The following UBE2T variants were observed in gnomAD, a reference collection of about 807,000 sequenced individuals.
The protein encoded by UBE2T is ubiquitin-conjugating enzyme E2 T.
UBE2T carries 15 observed loss-of-function variants against 23.3 expected under a neutral mutation model. That is an observed-to-expected ratio of 0.64 (90% CI 0.43 to 0.99). UBE2T has a LOEUF of 0.99. Ranked by LOEUF, UBE2T falls within the 50% of genes least tolerant of loss-of-function variation. UBE2T has a pLI of 0.00. For synonymous variants in UBE2T, 67 were observed against 78.4 expected (o/e 0.85, Z 0.77); for missense variants, 197 against 234.9 (o/e 0.84, Z 1.05).
chr1:202,332,980 A>C (rs1252385138), intron 6 of UBE2T, 30 bp downstream of exon 6: 8 of 1,461,000 alleles, frequency 5.5e-6, no homozygotes, highest in Non-Finnish European at 7.6e-6. Flanking sequence ...TATATACTTA[A>C]TTAACTGACA....
At chr1:202,337,547 A>G (rs1323464212) in intron 1 of UBE2T, among the ~76,000 whole-genome samples, 2 of 152,146 alleles carry the variant, frequency 1.3e-5, no homozygotes, top group African/African-American at 4.8e-5. Flanking sequence ...TGAATAGTCA[A>G]TTGTTCTAAC....
intron 1 of UBE2T, among the ~76,000 whole-genome samples, chr1:202,341,127 T>C (rs1488160988): frequency 6.6e-6 from 1 of 152,192 alleles, no homozygotes; most frequent in Non-Finnish European, 1.5e-5. Context: ...CCTCTGTGCG[T>C]CTACATCTAT....
Position 202,331,710 on chromosome 1 carries a change from T to A in UBE2T, c.*125A>T. On this transcript the variant is annotated 3_prime_UTR_variant, in exon 7 of 7. Coordinates refer to ENST00000646651, the MANE Select transcript of UBE2T (RefSeq NM_014176.4). ...GGTTTAAAAGATTTCAAAATACATA[T>A]GTACAAGATAAATAAACTACACAAA... 8.5e-7 allele frequency: 1 copy of A among 1,169,598 alleles called. No individual in the cohort carries two copies. The highest frequency in any genetic ancestry group is 1.5e-5 in the South Asian group (1 of 65,236). The allele number at this position is 1,169,598 out of a possible 1,614,324, so 72.5% of individuals were successfully genotyped here.
At chr1:202,338,277 T>C (rs1322780700) in intron 1 of UBE2T, among the ~76,000 whole-genome samples, 1 of 148,306 alleles carries the variant, frequency 6.7e-6, no homozygotes, top group Non-Finnish European at 1.5e-5. Flanking sequence ...TGGAGTGCAA[T>C]GGTGTGCTCT....
chr1:202,333,698 TA>T, intron 3 of UBE2T, 143 bp from the exon 4 acceptor site: 1 of 685,182 alleles, frequency 1.5e-6, no homozygotes, highest in South Asian at 2.1e-5. Context: ...TCTCTCTTCC[TA>T]AATTTTCACT....
chr1:202,337,774 T>C (rs1558102078), intron 1 of UBE2T, among the ~76,000 whole-genome samples: 1 of 152,202 alleles, frequency 6.6e-6, no homozygotes, highest in Non-Finnish European at 1.5e-5. Context: ...CAAATACAAA[T>C]TGTATATATT....
Position 202,341,202 on chromosome 1 carries a change from C to G in UBE2T, c.-65+693G>C, listed in dbSNP as rs186805289. Among the ~76,000 whole-genome samples, 4 of 152,164 alleles carry G rather than the reference C, an allele frequency of 2.6e-5. No individual in the cohort carries two copies. In the East Asian group the frequency reaches 7.7e-4, roughly 29 times the overall value. ...TAGGAGGAATTCCTTGACAGCAGGT[C>G]CCTAGTCTTTTTTTGTATCAAGTCT... On this transcript the variant is annotated intron_variant, in intron 1 of 6. Transcript: ENST00000646651.
Position 202,335,935 on chromosome 1 carries a change from A to C in UBE2T, c.-64-117T>G, listed in dbSNP as rs1654872608. On this transcript the variant is annotated intron_variant, in intron 1 of 6. Transcript: ENST00000646651. The surrounding 1 kb of genome is among the most constrained non-coding windows in gnomAD (Gnocchi z 4.0). ...AGAGTCCTCTTTTTTGTTTTGAGACACAGTTTCACTCTGTCACCCAGACTG... is the reference window on the plus strand; with the variant it reads ...AGAGTCCTCTTTTTTGTTTTGAGACCCAGTTTCACTCTGTCACCCAGACTG... 8 of 569,906 alleles carry C rather than the reference A, an allele frequency of 1.4e-5. No homozygotes were observed. The allele number at this position is 569,906 out of a possible 1,614,324, so 35.3% of individuals were successfully genotyped here. A position where few individuals can be genotyped will look rare whatever the true frequency, so the allele number is the denominator to read the frequency against.
chr1:202,340,373 G>A lies in UBE2T; in HGVS notation c.-65+1522C>T, dbSNP rs148404412. Among the ~76,000 whole-genome samples, 341 of 150,614 alleles carry A rather than the reference G, an allele frequency of 2.3e-3. 1 individual carries two copies. Among genetic ancestry groups the A allele is most frequent in the Non-Finnish European group, 3.5e-3 (240 of 67,654 alleles). ...TATTAAAAATACAAAAATTAGCAAA[G>A]TGTGGTGGTGCACGCCTGTAATCCC... On this transcript the variant is annotated intron_variant, in intron 1 of 6. Transcript: ENST00000646651.
In UBE2T at chr1:202,333,571, A is replaced by G; in HGVS notation, c.180-16T>C. 1.9e-6 allele frequency: 3 copies of G among 1,595,170 alleles called. No individual in the cohort carries two copies. Among genetic ancestry groups the G allele is most frequent in the Non-Finnish European group, 2.6e-6 (3 of 1,167,122 alleles). On this transcript the variant is annotated splice_polypyrimidine_tract_variant and intron_variant, in intron 3 of 6. Transcript: ENST00000646651. Reference sequence around the variant, plus strand: ...AAATGGGTACCTATGAAAGAATAAGACAACAGATAATTTTCATTACATAAT... The same window carrying G: ...AAATGGGTACCTATGAAAGAATAAGGCAACAGATAATTTTCATTACATAAT...
Position 202,332,937 on chromosome 1 carries a change from A to C in UBE2T, c.468+73T>G, listed in dbSNP as rs1377271645. On this transcript the variant is annotated intron_variant, in intron 6 of 6. Coordinates refer to ENST00000646651, the MANE Select transcript of UBE2T (RefSeq NM_014176.4). ...AAAAAAAAAAAAAAAAAAAAAAAAAAAAACATTATTTATACATATATACTT... is the reference window on the plus strand; with the variant it reads ...AAAAAAAAAAAAAAAAAAAAAAAAACAAACATTATTTATACATATATACTT... The C allele has an allele frequency of 7.5e-5, 29 of 386,574 alleles. No homozygotes were observed. In the South Asian group the frequency reaches 1.1e-3, roughly 14 times the overall value. 23.9% of individuals were successfully genotyped at this position (386,574 alleles called of 1,614,324 possible). A position where few individuals can be genotyped will look rare whatever the true frequency, so the allele number is the denominator to read the frequency against.
At chr1:202,333,173 CAG>C (rs1390536391) in intron 5 of UBE2T, 62 bp downstream of exon 5, 9 of 1,605,372 alleles carry the variant, frequency 5.6e-6, no homozygotes, top group Middle Eastern at 1.6e-4. Context: ...TATCCTCACA[CAG>C]GGAGAGTTAG....
chr1:202,332,927 A>AAAAAAAAAAAAAAT (rs1654791658), intron 6 of UBE2T, 83 bp downstream of exon 6: 1 of 450,806 alleles, frequency 2.2e-6, no homozygotes, highest in Non-Finnish European at 3.2e-6. Flanking sequence ...AAAAAAAAAA[A>AAAAAAAAAAAAAAT]AAAAAAAAAA....
intron 4 of UBE2T, 46 bp downstream of exon 4, chr1:202,333,404 G>A: frequency 6.2e-7 from 1 of 1,612,796 alleles, no homozygotes; most frequent in South Asian, 1.1e-5. Flanking sequence ...TTTAATAGAT[G>A]AAGAAAACAG....
Position 202,335,539 on chromosome 1 carries a change from T to C in UBE2T, c.109+107A>G. The C allele has an allele frequency of 9.1e-7, 1 of 1,099,962 alleles. No individual in the cohort carries two copies. The highest frequency in any genetic ancestry group is 1.3e-6 in the Non-Finnish European group (1 of 753,472). The allele number at this position is 1,099,962 out of a possible 1,614,324, so 68.1% of individuals were successfully genotyped here. On this transcript the variant is annotated intron_variant, in intron 2 of 6. Coordinates refer to ENST00000646651, the MANE Select transcript of UBE2T (RefSeq NM_014176.4). This position sits in a 1 kb window ranked among gnomAD's most constrained non-coding sequence, Gnocchi z 4.0. Reference sequence around the variant, plus strand: ...TGGGTAGAAAGATGGTAGGGCACTCTGACCTTATAACTGCTCCTTACTTTA... The same window carrying C: ...TGGGTAGAAAGATGGTAGGGCACTCCGACCTTATAACTGCTCCTTACTTTA...
intron 1 of UBE2T, among the ~76,000 whole-genome samples, chr1:202,339,501 C>G (rs1558102590): frequency 6.9e-6 from 1 of 145,588 alleles, no homozygotes; most frequent in African/African-American, 2.5e-5. Context: ...AGAAAAAATA[C>G]TTTTTTCTTA....
intron 4 of UBE2T, 45 bp downstream of exon 4, chr1:202,333,405 A>T: frequency 6.2e-7 from 1 of 1,613,218 alleles, no homozygotes; most frequent in African/African-American, 1.3e-5. Flanking sequence ...TTAATAGATG[A>T]AGAAAACAGA....
At chr1:202,339,980 C>A (rs10753914) in intron 1 of UBE2T, among the ~76,000 whole-genome samples, 1 of 151,648 alleles carries the variant, frequency 6.6e-6, no homozygotes, top group Non-Finnish European at 1.5e-5. Context: ...GAGGCTGAGG[C>A]AGGTGGATCA....
At chr1:202,336,727 C>A (rs1201034469) in intron 1 of UBE2T, among the ~76,000 whole-genome samples, 1 of 152,140 alleles carries the variant, frequency 6.6e-6, no homozygotes, top group African/African-American at 2.4e-5. Flanking sequence ...TTCTCAGGTA[C>A]AAACAAATGT....
Sources: allele counts gnomAD v4.1 joint callset (sites outside exome capture counted in the v4.1 genomes callset), GRCh38; gene constraint gnomAD v4.1.1; non-coding constraint Gnocchi (gnomAD v3.1); transcripts MANE v1.5; gene names NCBI Gene and HGNC (gene_info 2026-07-23, HGNC 2026-07-21).